The following SORCS1 variants were observed in gnomAD, a reference collection of about 807,000 sequenced individuals.
The protein encoded by SORCS1 is sortilin related VPS10 domain containing receptor 1.
In SORCS1, 60 loss-of-function variants were observed where a neutral mutation model predicts 146.1. The ratio of observed to expected loss-of-function variants is 0.41; its 90% CI spans 0.33 to 0.51. SORCS1 has a LOEUF of 0.51. SORCS1 is among the 20% of genes least tolerant of loss of function. The probability of loss-of-function intolerance (pLI) is 0.21; values close to 1 mark genes in which losing one functional copy is unlikely to be tolerated. For synonymous variants in SORCS1, 637 were observed against 584.0 expected, an observed-to-expected ratio of 1.09 and a Z score of -1.31; for missense variants, 1,352 against 1,487.6, an observed-to-expected ratio of 0.91 and a Z score of 1.50.
At chr10:106,663,349 A>T (rs1850880575) in intron 17 of SORCS1, among the ~76,000 whole-genome samples, 1 of 152,242 alleles carries the variant, frequency 6.6e-6, no homozygotes, top group Admixed American at 6.5e-5. Context: ...TCTTGGGACA[A>T]GTATTTACTA....
intron 1 of SORCS1, among the ~76,000 whole-genome samples, chr10:106,986,450 AT>A (rs1956474633): frequency 6.6e-6 from 1 of 151,790 alleles, no homozygotes; most frequent in African/African-American, 2.4e-5. Context: ...TATTTCCATA[AT>A]TTATTTTAGA....
the SORCS1 span, among the ~76,000 whole-genome samples, chr10:107,178,344 A>G: frequency 6.6e-6 from 1 of 152,012 alleles, no homozygotes; most frequent in African/African-American, 2.4e-5. Context: ...CTACCATGAG[A>G]TTAATTTTTT....
chr10:107,151,952 C>A (rs1968835598), intron 1 of SORCS1, among the ~76,000 whole-genome samples: 1 of 152,142 alleles, frequency 6.6e-6, no homozygotes, highest in Non-Finnish European at 1.5e-5. Context: ...TGTCAGAGAC[C>A]TTCACAGCAG....
At chr10:106,935,540 G>A (rs995142247) in intron 2 of SORCS1, among the ~76,000 whole-genome samples, 1 of 152,124 alleles carries the variant, frequency 6.6e-6, no homozygotes, top group Non-Finnish European at 1.5e-5. Context: ...GAACAGCAAT[G>A]TTTTATCATT....
intron 18 of SORCS1, among the ~76,000 whole-genome samples, chr10:106,631,829 C>A (rs1458723917): frequency 6.6e-6 from 1 of 152,194 alleles, no homozygotes; most frequent in Non-Finnish European, 1.5e-5. Flanking sequence ...TCATCACTTC[C>A]ATTTTGTTGT....
At chr10:107,043,996 C>T (rs1027675330) in intron 1 of SORCS1, among the ~76,000 whole-genome samples, 1 of 152,162 alleles carries the variant, frequency 6.6e-6, no homozygotes, top group East Asian at 1.9e-4. Flanking sequence ...ATGTGACTTT[C>T]CTTGCTGGTG....
At chr10:106,824,142 A>C (rs1948181879) in intron 3 of SORCS1, among the ~76,000 whole-genome samples, 1 of 151,722 alleles carries the variant, frequency 6.6e-6, no homozygotes, top group Non-Finnish European at 1.5e-5. Context: ...CATCTCTACC[A>C]AAAGTACAAA....
upstream of SORCS1, among the ~76,000 whole-genome samples, chr10:107,165,609 C>G (rs2134973428): frequency 6.6e-6 from 1 of 152,162 alleles, no homozygotes; most frequent in East Asian, 1.9e-4. This position sits in a 1 kb window ranked among gnomAD's most constrained non-coding sequence, Gnocchi z 4.0. Flanking sequence ...AGGAAATCTG[C>G]CAGTCATTAG....
At chr10:106,836,805 C>T (rs1037920121) in intron 2 of SORCS1, among the ~76,000 whole-genome samples, 3 of 152,014 alleles carry the variant, frequency 2.0e-5, no homozygotes, top group Non-Finnish European at 4.4e-5. Context: ...TATCCTTTAT[C>T]TGATCCAGCC....
intron 6 of SORCS1, among the ~76,000 whole-genome samples, chr10:106,723,726 G>A (rs2135957478): frequency 6.6e-6 from 1 of 152,188 alleles, no homozygotes; most frequent in South Asian, 2.1e-4. Flanking sequence ...GCTTTCTAAA[G>A]GATCTAAGAT....
At chr10:106,704,507 T>C (rs1854368236) in intron 8 of SORCS1, among the ~76,000 whole-genome samples, 1 of 152,004 alleles carries the variant, frequency 6.6e-6, no homozygotes, top group South Asian at 2.1e-4. Flanking sequence ...CTGACCAATA[T>C]GGTGAAAGTC....
chr10:106,786,725 C>T (rs967736987), intron 3 of SORCS1, among the ~76,000 whole-genome samples: 32 of 152,024 alleles, frequency 2.1e-4, no homozygotes, highest in Admixed American at 4.6e-4. Flanking sequence ...GATAAGTAAC[C>T]ACAACTATCT....
Position 107,071,949 on chromosome 10 carries a change from A to T in SORCS1, c.558+92020T>A, listed in dbSNP as rs114531618. 8.0e-3 allele frequency among the ~76,000 whole-genome samples: 1,216 copies of T among 152,356 alleles called. 20 individuals are homozygous for T. The highest frequency in any genetic ancestry group is 0.028 in the African/African-American group (1,169 of 41,580). ...ATATGAAAACTCAGAAATATAGAGG[A>T]GAGACCCAATGAGGTAAAACTCTGA... On this transcript the variant is annotated intron_variant, in intron 1 of 25. Transcript: ENST00000263054.
chr10:106,948,711 G>A (rs1408573819), intron 2 of SORCS1, among the ~76,000 whole-genome samples: 1 of 151,896 alleles, frequency 6.6e-6, no homozygotes, highest in Non-Finnish European at 1.5e-5. Flanking sequence ...TGTAATCCCA[G>A]CACTTTGGGA....
chr10:107,010,712 G>C (rs530231883), intron 1 of SORCS1, among the ~76,000 whole-genome samples: 1 of 152,186 alleles, frequency 6.6e-6, no homozygotes, highest in Non-Finnish European at 1.5e-5. Flanking sequence ...AGAGGCCTCA[G>C]ATCTCTGAAT....
chr10:106,704,628 T>C (rs1047046788), intron 8 of SORCS1, among the ~76,000 whole-genome samples: 7 of 152,262 alleles, frequency 4.6e-5, no homozygotes, highest in African/African-American at 1.7e-4. Flanking sequence ...AGGTGGAGGT[T>C]GCAGTGAGCC....
chr10:106,600,388 T>C, intron 23 of SORCS1: 7 of 978,626 alleles, frequency 7.2e-6, no homozygotes, highest in Non-Finnish European at 8.5e-6. Flanking sequence ...AATGAACACA[T>C]GCTTTGTGAG....
intron 2 of SORCS1, among the ~76,000 whole-genome samples, chr10:106,889,957 G>T (rs907315838): frequency 3.7e-4 from 54 of 147,552 alleles, no homozygotes; most frequent in Admixed American, 5.4e-4. Context: ...CTGCTCTTCT[G>T]ATGACTTTAC....
At chr10:106,854,606 C>T (rs1373794221) in intron 2 of SORCS1, among the ~76,000 whole-genome samples, 2 of 151,824 alleles carry the variant, frequency 1.3e-5, no homozygotes, top group Admixed American at 6.6e-5. Flanking sequence ...CCTTTCTTAG[C>T]CTATTTGTTT....
Sources: gnomAD v4.1 joint callset for allele counts (sites outside exome capture counted in the v4.1 genomes callset) on GRCh38, gnomAD v4.1.1 for gene constraint, Gnocchi (gnomAD v3.1) non-coding constraint, MANE v1.5 for transcripts, NCBI Gene and HGNC (gene_info 2026-07-23, HGNC 2026-07-21) for gene names.